LRP1B: variants seen among roughly 807,000 people sequenced by gnomAD.
LRP1B encodes the protein LDL receptor related protein 1B.
In LRP1B, 217 loss-of-function variants were observed where a neutral mutation model predicts 556.6. The observed-to-expected ratio is 0.39, with a 90% CI of 0.35 to 0.44. The LOEUF (loss-of-function observed/expected upper bound fraction) is 0.44, where lower values mean the gene tolerates loss of function less well. Among genes scored for constraint, LRP1B ranks in the 20% least tolerant of loss-of-function variants. The pLI is 1.00. For missense variants in LRP1B, 5,053 were observed against 5,620.8 expected (o/e 0.90, Z 3.23); for synonymous variants, 2,047 against 1,865.8 (o/e 1.10, Z -2.50).
At position 140,529,443 on chromosome 2, in the gene LRP1B, A is replaced by G. The variant is rs900013472; in HGVS notation, c.7763-3093T>C. On this transcript the variant is annotated intron_variant, in intron 47 of 90. Coordinates refer to ENST00000389484, the MANE Select transcript of LRP1B (RefSeq NM_018557.3). ...AAGGGAAGCTGAAAAGGGGGGGGGG[A>G]AGCATTAAGTTTGCTCTCATATCTC... Among the ~76,000 whole-genome samples, 4 of 41,750 alleles carry G rather than the reference A, an allele frequency of 9.6e-5. No homozygotes were observed. In the South Asian group the frequency reaches 2.7e-3, roughly 28 times the overall value. 27.4% of individuals were successfully genotyped at this position (41,750 alleles called of 152,430 possible).
At chr2:141,057,352 A>T (rs1052142947) in intron 9 of LRP1B, among the ~76,000 whole-genome samples, 1 of 151,798 alleles carries the variant, frequency 6.6e-6, no homozygotes, top group Non-Finnish European at 1.5e-5. Flanking sequence ...TTAGACACAC[A>T]GGTATTCTTG....
At chr2:140,572,084 A>G (rs1170271343) in intron 43 of LRP1B, among the ~76,000 whole-genome samples, 1 of 151,720 alleles carries the variant, frequency 6.6e-6, no homozygotes, top group Non-Finnish European at 1.5e-5. Context: ...ATAGGTCTTG[A>G]AAAATATTTT....
intron 88 of LRP1B, 25 bp downstream of exon 88, chr2:140,239,417 G>A (rs2104884475): frequency 1.4e-6 from 2 of 1,433,416 alleles, no homozygotes; most frequent in South Asian, 1.2e-5. Flanking sequence ...TTCACTGACT[G>A]CTAATCTAGA....
intron 2 of LRP1B, among the ~76,000 whole-genome samples, chr2:141,788,849 C>G (rs889614369): frequency 3.9e-5 from 6 of 151,996 alleles, no homozygotes; most frequent in African/African-American, 1.4e-4. Context: ...TCATCCATGT[C>G]CCTACAAAGG....
intron 41 of LRP1B, among the ~76,000 whole-genome samples, chr2:140,638,436 A>G (rs1684153239): frequency 6.6e-6 from 1 of 152,178 alleles, no homozygotes; most frequent in African/African-American, 2.4e-5. Flanking sequence ...CCCATGAATG[A>G]TAATCTAGTG....
At chr2:140,464,001 GC>G (rs1687432975) in intron 60 of LRP1B, among the ~76,000 whole-genome samples, 1 of 152,032 alleles carries the variant, frequency 6.6e-6, no homozygotes, top group Non-Finnish European at 1.5e-5. Context: ...TTCGAGACCA[GC>G]CTGGCCAATA....
At chr2:141,135,436 A>C (rs1701467544) in intron 7 of LRP1B, among the ~76,000 whole-genome samples, 1 of 151,962 alleles carries the variant, frequency 6.6e-6, no homozygotes, top group Non-Finnish European at 1.5e-5. Flanking sequence ...ACAACTGAAA[A>C]CAATGAAGCA....
rs774185218 is a variant in LRP1B, at chr2:140,373,140, A to G, written c.10639-3T>C. ...GAACAACTTGTCTCACAATTTCTCT[A>G]TGAAAAACAACAGAGATATAATCAA... On this transcript the variant is annotated splice_polypyrimidine_tract_variant and splice_region_variant and intron_variant, in intron 68 of 90. Coordinates refer to ENST00000389484, the MANE Select transcript of LRP1B (RefSeq NM_018557.3). 8 of 1,612,326 alleles carry G rather than the reference A, an allele frequency of 5.0e-6. No homozygotes were observed. Among genetic ancestry groups the G allele is most frequent in the Middle Eastern group, 1.7e-4 (1 of 6,048 alleles).
At chr2:141,702,150 C>G (rs928076605) in intron 2 of LRP1B, among the ~76,000 whole-genome samples, 1 of 151,742 alleles carries the variant, frequency 6.6e-6, no homozygotes, top group African/African-American at 2.4e-5. Context: ...GTGGGCGACA[C>G]TGGGTGAAAA....
chr2:141,416,027 T>C (rs977193582), intron 3 of LRP1B, among the ~76,000 whole-genome samples: 8 of 152,186 alleles, frequency 5.3e-5, no homozygotes, highest in Admixed American at 1.3e-4. Context: ...TCTCTAATAG[T>C]AGAGTGATGA....
intron 7 of LRP1B, among the ~76,000 whole-genome samples, chr2:141,149,956 C>A (rs1023446742): frequency 2.0e-5 from 3 of 152,200 alleles, no homozygotes; most frequent in Admixed American, 6.5e-5. Flanking sequence ...ACTAGTGTCT[C>A]TCACAAATCT....
intron 32 of LRP1B, among the ~76,000 whole-genome samples, chr2:140,782,080 A>G (rs1689719677): frequency 6.6e-6 from 1 of 152,092 alleles, no homozygotes. Flanking sequence ...TCACACTGTT[A>G]TTGACATGAA....
intron 29 of LRP1B, among the ~76,000 whole-genome samples, chr2:140,847,539 TG>T (rs922538470): frequency 2.0e-5 from 3 of 151,700 alleles, no homozygotes; most frequent in African/African-American, 7.3e-5. Flanking sequence ...GAGACAGAGG[TG>T]GGTGGATCAT....
chr2:140,419,758 A>C (rs1685353099), intron 66 of LRP1B, among the ~76,000 whole-genome samples: 2 of 152,210 alleles, frequency 1.3e-5, no homozygotes, highest in Admixed American at 6.5e-5. Context: ...CCATAATCCC[A>C]GCACTTTGAG....
chr2:140,814,877 T>C (rs1691055649), intron 31 of LRP1B, among the ~76,000 whole-genome samples: 1 of 152,080 alleles, frequency 6.6e-6, no homozygotes, highest in Admixed American at 6.6e-5. Flanking sequence ...ATTACAGTGG[T>C]GGCCATCATT....
At chr2:141,637,898 G>A (rs1689162213) in intron 2 of LRP1B, among the ~76,000 whole-genome samples, 1 of 152,036 alleles carries the variant, frequency 6.6e-6, no homozygotes, top group African/African-American at 2.4e-5. Flanking sequence ...TTGCTCAATT[G>A]GTTCACAAGA....
At chr2:141,921,685 A>G (rs1700189079) in intron 1 of LRP1B, among the ~76,000 whole-genome samples, 1 of 152,040 alleles carries the variant, frequency 6.6e-6, no homozygotes, top group African/African-American at 2.4e-5. Context: ...CTTTTACCCT[A>G]ATGCTTCTCA....
At chr2:141,257,207 G>T (rs72979265) in intron 3 of LRP1B, among the ~76,000 whole-genome samples, 2,465 of 152,170 alleles carry the variant, frequency 0.016, 59 homozygotes, top group African/African-American at 0.056. Flanking sequence ...GAAGACAAAG[G>T]TGAATGTAAT....
At chr2:140,522,712 A>G (rs1267075682) in intron 49 of LRP1B, among the ~76,000 whole-genome samples, 1 of 151,902 alleles carries the variant, frequency 6.6e-6, no homozygotes, top group African/African-American at 2.4e-5. Context: ...AACAAGCACA[A>G]TCAGAAATGA....
Sources: gnomAD v4.1 joint callset for allele counts (sites outside exome capture counted in the v4.1 genomes callset) on GRCh38, gnomAD v4.1.1 for gene constraint, MANE v1.5 for transcripts, NCBI Gene and HGNC (gene_info 2026-07-23, HGNC 2026-07-21) for gene names.